Variants in EIF2AK1 observed in about 807,000 individuals in gnomAD.
The protein encoded by EIF2AK1 is eukaryotic translation initiation factor 2-alpha kinase 1.
EIF2AK1 carries 54 observed loss-of-function variants against 77.9 expected under a neutral mutation model. The observed-to-expected ratio is 0.69, with a 90% CI of 0.56 to 0.87. The LOEUF (loss-of-function observed/expected upper bound fraction) is 0.87. Ranked by LOEUF, EIF2AK1 falls within the 40% of genes least tolerant of loss-of-function variation. The probability of loss-of-function intolerance (pLI) is 0.00; values close to 1 mark genes in which losing one functional copy is unlikely to be tolerated. For missense variants in EIF2AK1, 810 were observed against 768.6 expected (o/e 1.05, Z -0.64); for synonymous variants, 314 against 290.5 (o/e 1.08, Z -0.82).
chr7:6,053,495 G>T (rs1247491666), intron 2 of EIF2AK1, among the ~76,000 whole-genome samples: 1 of 151,836 alleles, frequency 6.6e-6, no homozygotes, highest in African/African-American at 2.4e-5. Context: ...CCAAATTACA[G>T]CTGGGATTAC....
intron 14 of EIF2AK1, among the ~76,000 whole-genome samples, chr7:6,026,084 A>G (rs1396082665): frequency 1.3e-5 from 2 of 151,968 alleles, no homozygotes; most frequent in Non-Finnish European, 2.9e-5. Flanking sequence ...CCGGTGGTCC[A>G]ATGACTGTGT....
Position 6,036,519 on chromosome 7 carries a change from C to A in EIF2AK1, c.1332+905G>T. The A allele has an allele frequency of 5.6e-6, 3 of 540,162 alleles. No individual in the cohort carries two copies. Among genetic ancestry groups the A allele is most frequent in the Non-Finnish European group, 8.8e-6 (3 of 339,674 alleles). 33.5% of individuals were successfully genotyped at this position (540,162 alleles called of 1,614,324 possible). A position where few individuals can be genotyped will look rare whatever the true frequency, so the allele number is the denominator to read the frequency against. On this transcript the variant is annotated intron_variant, in intron 11 of 14. Coordinates refer to ENST00000199389, the MANE Select transcript of EIF2AK1 (RefSeq NM_014413.4). The surrounding 1 kb of genome is among the most constrained non-coding windows in gnomAD (Gnocchi z 4.6). ...AATGTACAAACTACTGATTCTTGAA[C>A]ATGTTCCAAAATACAAAGTGATTTG... is the stretch of plus-strand genomic sequence containing the variant.
Position 6,059,110 on chromosome 7 carries a change from A to T in EIF2AK1, c.-27T>A. On this transcript the variant is annotated 5_prime_UTR_variant, in exon 1 of 15. Transcript: ENST00000199389. ...GCCGGCCGCGCGCGGGCCGCAGCCCAGCCCGCCGGCCAGCCCAGCACTGCC... is the reference window on the plus strand; with the variant it reads ...GCCGGCCGCGCGCGGGCCGCAGCCCTGCCCGCCGGCCAGCCCAGCACTGCC... 2.2e-6 allele frequency: 3 copies of T among 1,342,602 alleles called. No individual in the cohort carries two copies. Among genetic ancestry groups the T allele is most frequent in the Non-Finnish European group, 2.9e-6 (3 of 1,046,178 alleles). 83.2% of individuals were successfully genotyped at this position (1,342,602 alleles called of 1,614,324 possible).
At chr7:6,038,959 T>A (rs1788189091) in intron 9 of EIF2AK1, among the ~76,000 whole-genome samples, 1 of 152,104 alleles carries the variant, frequency 6.6e-6, no homozygotes, top group South Asian at 2.1e-4. Context: ...AGGGGTCCAA[T>A]GGCAGAAGCT....
At position 6,035,892 on chromosome 7, in the gene EIF2AK1, G is replaced by A. The variant is rs76562932; in HGVS notation, c.1332+1532C>T. 6,147 of 1,546,540 alleles carry A rather than the reference G, an allele frequency of 4.0e-3. 360 individuals are homozygous for A. The East Asian group carries it at 0.12, about 30-fold the overall frequency. ...ATCAAGCAAAGCAGGCCGACTCCTC[G>A]GGGCGGGGGTCAGCTGCATCCGTCT... On this transcript the variant is annotated intron_variant, in intron 11 of 14. Transcript: ENST00000199389. The surrounding 1 kb of genome is among the most constrained non-coding windows in gnomAD (Gnocchi z 5.5).
rs58784675 is a variant in EIF2AK1, at chr7:6,030,606, C to T, written c.1333-1574G>A. On this transcript the variant is annotated intron_variant, in intron 11 of 14. Transcript: ENST00000199389. Reference sequence around the variant, plus strand: ...CTCCACCTCTCAGGTTCAAACAATTCTCCTGCCTCAACCTCCTGAGTAGCT... The same window carrying T: ...CTCCACCTCTCAGGTTCAAACAATTTTCCTGCCTCAACCTCCTGAGTAGCT... Among the ~76,000 whole-genome samples the T allele has an allele frequency of 7.6e-3, 1,151 of 152,326 alleles. 9 individuals are homozygous for T. The highest frequency in any genetic ancestry group is 0.027 in the African/African-American group (1,107 of 41,568).
At chr7:6,047,534 G>T (rs1255588236) in intron 4 of EIF2AK1, among the ~76,000 whole-genome samples, 1 of 152,012 alleles carries the variant, frequency 6.6e-6, no homozygotes, top group Non-Finnish European at 1.5e-5. Flanking sequence ...TTAGCCGGGT[G>T]TGGTGGCGGG....
At chr7:6,044,744 T>C in intron 6 of EIF2AK1, 83 bp from the exon 7 acceptor site, 1 of 1,155,420 alleles carries the variant, frequency 8.7e-7, no homozygotes, top group East Asian at 2.4e-5. Context: ...CAGAGCAAAA[T>C]ACAGATGGCC....
rs55744865 is a variant in EIF2AK1, at chr7:6,049,922, C to G, written c.401G>C (p.Arg134Thr). ...TTTTTTAGGGCTTACCTGACGAACT[C>G]TCTCTTTAGCAGACCTCATTAAGTG... ...ITHLMRSAKE[R>T]VRQDPCEDIS... Residue 134 changes from arginine to threonine, a missense_variant, in exon 3 of 15, where the codon AGA (arginine) becomes ACA (threonine). Around this residue, in one of 3 missense-constraint regions of EIF2AK1, gnomAD observed 246 missense variants for 199.0 expected, o/e 1.24. Coordinates refer to ENST00000199389, the MANE Select transcript of EIF2AK1 (RefSeq NM_014413.4). 1 of 1,609,064 alleles carries G rather than the reference C, an allele frequency of 6.2e-7. No individual in the cohort carries two copies. The highest frequency in any genetic ancestry group is 1.1e-5 in the South Asian group (1 of 89,272).
chr7:6,056,613 A>AAATATATATATATATATATATATATAT, intron 1 of EIF2AK1, among the ~76,000 whole-genome samples: 1 of 43,738 alleles, frequency 2.3e-5, no homozygotes, highest in Admixed American at 2.4e-4. Flanking sequence ...AAAAAAAAAA[A>AAATATATATATATATATATATATATAT]ATATATATAT....
At chr7:6,046,891 C>G in intron 5 of EIF2AK1, 101 bp downstream of exon 5, 1 of 1,117,724 alleles carries the variant, frequency 8.9e-7, no homozygotes, top group Non-Finnish European at 1.2e-6. Flanking sequence ...CAGAGCGAGA[C>G]TCCATCTCAA....
intron 3 of EIF2AK1, chr7:6,049,643 TTC>T (rs1491458377): frequency 0.01 from 2,184 of 211,516 alleles, 12 homozygotes; most frequent in Non-Finnish European, 0.015. Flanking sequence ...TTTTTTTTTT[TTC>T]AGGCAGGTTC....
At chr7:6,055,439 AT>A (rs1434595802) in intron 1 of EIF2AK1, among the ~76,000 whole-genome samples, 1 of 151,704 alleles carries the variant, frequency 6.6e-6, no homozygotes, top group East Asian at 1.9e-4. Context: ...ACTTATCTAC[AT>A]GTACAATCTC....
At chr7:6,030,273 G>T (rs1284732860) in intron 11 of EIF2AK1, among the ~76,000 whole-genome samples, 1 of 152,162 alleles carries the variant, frequency 6.6e-6, no homozygotes, top group African/African-American at 2.4e-5. Flanking sequence ...CAACTTAGGC[G>T]ACGTCCGGGA....
At position 6,027,191 on chromosome 7, in the gene EIF2AK1, A is replaced by T. The variant is rs1787771741; in HGVS notation, c.1531-230T>A. 6.6e-6 allele frequency among the ~76,000 whole-genome samples: 1 copy of T among 152,176 alleles called. No homozygotes were observed. Among genetic ancestry groups the T allele is most frequent in the South Asian group, 2.1e-4 (1 of 4,820 alleles). On this transcript the variant is annotated intron_variant, in intron 13 of 14. Transcript: ENST00000199389. This position sits in a 1 kb window ranked among gnomAD's most constrained non-coding sequence, Gnocchi z 4.5. ...ATGGATGGTCAGGTGGAGGGCAGGG[A>T]TAATCCCCACCCACAGCAGTCACGA...
chr7:6,029,429 G>A (rs950978897), intron 11 of EIF2AK1, among the ~76,000 whole-genome samples: 2 of 151,932 alleles, frequency 1.3e-5, no homozygotes, highest in Non-Finnish European at 2.9e-5. Flanking sequence ...GGAGTCAGAG[G>A]CTGCAGTGAA....
intron 11 of EIF2AK1, among the ~76,000 whole-genome samples, chr7:6,030,678 T>C (rs1278442789): frequency 1.3e-5 from 2 of 152,158 alleles, no homozygotes; most frequent in African/African-American, 4.8e-5. Context: ...TTTGTATTTT[T>C]AGTAGCGACA....
intron 4 of EIF2AK1, 75 bp from the exon 5 acceptor site, chr7:6,047,166 G>C: frequency 7.2e-7 from 1 of 1,396,764 alleles, no homozygotes; most frequent in Admixed American, 1.8e-5. Context: ...CATGCTCACA[G>C]GATTACTAAC....
intron 9 of EIF2AK1, 90 bp from the exon 10 acceptor site, chr7:6,038,761 G>A (rs1358215374): frequency 3.6e-6 from 4 of 1,108,106 alleles, no homozygotes; most frequent in South Asian, 1.5e-5. Flanking sequence ...CCTATTCTGG[G>A]CCAAGAGAGT....
Sources: allele counts gnomAD v4.1 joint callset (sites outside exome capture counted in the v4.1 genomes callset), GRCh38; gene constraint gnomAD v4.1.1; regional missense constraint gnomAD v4.1.1; non-coding constraint Gnocchi (gnomAD v3.1); transcripts MANE v1.5; gene names NCBI Gene and HGNC (gene_info 2026-07-23, HGNC 2026-07-21).